ZSWIM5: variants seen among roughly 807,000 people sequenced by gnomAD.
ZSWIM5 encodes zinc finger SWIM domain-containing protein 5.
ZSWIM5 carries 55 observed loss-of-function variants against 119.6 expected under a neutral mutation model. The ratio of observed to expected loss-of-function variants is 0.46; its 90% CI spans 0.37 to 0.58. The LOEUF (loss-of-function observed/expected upper bound fraction) is 0.58. Among genes scored for constraint, ZSWIM5 ranks in the 20% least tolerant of loss-of-function variants. The pLI is 0.00. For synonymous variants in ZSWIM5, 537 were observed against 606.9 expected, an observed-to-expected ratio of 0.88 and a Z score of 1.69; for missense variants, 1,193 against 1,512.8, an observed-to-expected ratio of 0.79 and a Z score of 3.51.
At chr1:45,202,654 G>A (rs1312623008) in intron 1 of ZSWIM5, among the ~76,000 whole-genome samples, 1 of 152,022 alleles carries the variant, frequency 6.6e-6, no homozygotes, top group Non-Finnish European at 1.5e-5. Context: ...GAAGGCCCCT[G>A]CATGCCTTTA....
At chr1:45,061,571 A>C (rs1012709923) in intron 2 of ZSWIM5, among the ~76,000 whole-genome samples, 3 of 151,208 alleles carry the variant, frequency 2.0e-5, no homozygotes, top group Admixed American at 6.6e-5. Flanking sequence ...GGGCATCGCC[A>C]TGTTGGCCAG....
chr1:45,188,831 A>G (rs1475055830), intron 1 of ZSWIM5, among the ~76,000 whole-genome samples: 1 of 152,258 alleles, frequency 6.6e-6, no homozygotes, highest in African/African-American at 2.4e-5. Context: ...ACACAGATAT[A>G]TAACTGAGGA....
At chr1:45,205,152 G>T (rs1177490581) in intron 1 of ZSWIM5, among the ~76,000 whole-genome samples, 10 of 151,400 alleles carry the variant, frequency 6.6e-5, no homozygotes, top group Non-Finnish European at 1.2e-4. Flanking sequence ...TTGGGTGGGG[G>T]TGTGGAGGAG....
chr1:45,099,261 C>A lies in ZSWIM5; in HGVS notation c.596-11024G>T, dbSNP rs150673405. On this transcript the variant is annotated intron_variant, in intron 1 of 13. Coordinates refer to ENST00000359600, the MANE Select transcript of ZSWIM5 (RefSeq NM_020883.2). Reference sequence around the variant, plus strand: ...AAATACAAACTACCATCAGAGAATACTATAAACACCTCTACAAAAATAAAC... The same window carrying A: ...AAATACAAACTACCATCAGAGAATAATATAAACACCTCTACAAAAATAAAC... 6.2e-3 allele frequency among the ~76,000 whole-genome samples: 943 copies of A among 152,240 alleles called. 10 individuals carry two copies. Among genetic ancestry groups the A allele is most frequent in the African/African-American group, 0.022 (916 of 41,532 alleles).
intron 1 of ZSWIM5, among the ~76,000 whole-genome samples, chr1:45,192,350 A>G (rs1646097796): frequency 6.6e-6 from 1 of 152,088 alleles, no homozygotes; most frequent in African/African-American, 2.4e-5. Flanking sequence ...TGCCTACCTA[A>G]ATACTGCATG....
intron 11 of ZSWIM5, among the ~76,000 whole-genome samples, chr1:45,032,945 A>G (rs1186902748): frequency 4.6e-5 from 7 of 151,522 alleles, no homozygotes; most frequent in Non-Finnish European, 8.8e-5. Flanking sequence ...ATTTTCTATT[A>G]TTGGTTTTAA....
chr1:45,061,904 A>G (rs1359959480), intron 2 of ZSWIM5, among the ~76,000 whole-genome samples: 2 of 151,920 alleles, frequency 1.3e-5, no homozygotes, highest in Non-Finnish European at 2.9e-5. Context: ...TAGCCTGACC[A>G]ACATGGCGAA....
intron 11 of ZSWIM5, among the ~76,000 whole-genome samples, chr1:45,023,692 C>A (rs968242398): frequency 2.0e-5 from 3 of 152,086 alleles, no homozygotes; most frequent in African/African-American, 7.2e-5. Flanking sequence ...TTTGTGTCGA[C>A]ATGTTTTCAA....
At chr1:45,109,739 C>T (rs566412887) in intron 1 of ZSWIM5, among the ~76,000 whole-genome samples, 4 of 55,164 alleles carry the variant, frequency 7.3e-5, no homozygotes, top group East Asian at 9.5e-4. Context: ...AGCTAGACTT[C>T]GTATGAAAAA....
chr1:45,119,888 T>C (rs979046788), intron 1 of ZSWIM5, among the ~76,000 whole-genome samples: 2 of 152,234 alleles, frequency 1.3e-5, no homozygotes, highest in Non-Finnish European at 2.9e-5. Flanking sequence ...CCCATTGTTC[T>C]ACCGACAAAA....
rs963410543 is a variant in ZSWIM5 at position 45,072,158 on chromosome 1, G to T, written c.953-11911C>A. On this transcript the variant is annotated intron_variant, in intron 2 of 13. Coordinates refer to ENST00000359600, the MANE Select transcript of ZSWIM5 (RefSeq NM_020883.2). The surrounding 1 kb of genome is among the most constrained non-coding windows in gnomAD (Gnocchi z 4.1). ...TGATATGTCATTGTGGTTTTGATTT[G>T]CATTTCTCTGATGACAAATGATATT... Among the ~76,000 whole-genome samples the T allele has an allele frequency of 2.0e-5, 3 of 151,862 alleles. No individual in the cohort carries two copies. Among genetic ancestry groups the T allele is most frequent in the Admixed American group, 6.5e-5 (1 of 15,268 alleles).
chr1:45,146,659 C>T lies in ZSWIM5; in HGVS notation c.596-58422G>A, dbSNP rs536984604. The stretch of plus-strand genomic sequence containing the variant: ...TTCACCATGTTGGCCAGGCTGGTCT[C>T]GAACTCCTGGCCTCAAGTGATCCAC... On this transcript the variant is annotated intron_variant, in intron 1 of 13. Transcript: ENST00000359600. Among the ~76,000 whole-genome samples the T allele has an allele frequency of 2.0e-5, 3 of 151,130 alleles. No individual in the cohort carries two copies. The East Asian group carries it at 5.8e-4, about 29-fold the overall frequency.
intron 1 of ZSWIM5, among the ~76,000 whole-genome samples, chr1:45,198,114 G>A (rs1322972522): frequency 6.6e-6 from 1 of 152,204 alleles, no homozygotes. Flanking sequence ...CAATATCATA[G>A]ACATCTCAAT....
At chr1:45,021,185 G>A (rs1359481653) in intron 11 of ZSWIM5, among the ~76,000 whole-genome samples, 3 of 152,040 alleles carry the variant, frequency 2.0e-5, no homozygotes, top group Admixed American at 6.6e-5. Flanking sequence ...ACGGGCGCCC[G>A]CCACCACGCC....
intron 10 of ZSWIM5, 48 bp downstream of exon 10, chr1:45,035,640 A>C: frequency 6.2e-7 from 1 of 1,600,026 alleles, no homozygotes; most frequent in Non-Finnish European, 8.5e-7. Context: ...AGAGCACTGG[A>C]CACTTCTGCT....
In ZSWIM5 at chr1:45,123,502, G is replaced by A. The variant is rs1645604973; in HGVS notation, c.596-35265C>T. ...TGTATGGACTCAGCAGCAGATGGAC[G>A]AAACAGAGAAATCGGTAAACTTGAA... is the stretch of plus-strand genomic sequence containing the variant. On this transcript the variant is annotated intron_variant, in intron 1 of 13. Transcript: ENST00000359600. Among the ~76,000 whole-genome samples, 3 of 152,090 alleles carry A rather than the reference G, an allele frequency of 2.0e-5. No homozygotes were observed. In the South Asian group the frequency reaches 6.2e-4, roughly 32 times the overall value.
intron 11 of ZSWIM5, 48 bp downstream of exon 11, chr1:45,034,264 G>A: frequency 6.6e-7 from 1 of 1,525,130 alleles, no homozygotes; most frequent in East Asian, 2.3e-5. Flanking sequence ...TGCCATGGTT[G>A]GGCAGGCAGA....
rs1215454122 is a variant in ZSWIM5 at position 45,020,096 on chromosome 1, G to A, written c.2665C>T (p.Arg889Ter). 1.9e-6 allele frequency: 3 copies of A among 1,614,078 alleles called. No homozygotes were observed. Among genetic ancestry groups the A allele is most frequent in the South Asian group, 2.2e-5 (2 of 91,082 alleles). ...TLNWRRREMV[R>*]WLVTCATEVG... is the part of the protein sequence containing the mutation. ...TCTGTAGCACAGGTCACCAACCATC[G>A]TACCATCTCCCTGCGTCTCCAGTTA... Residue 889 changes from arginine to a stop codon, truncating the protein, a stop_gained, in exon 13 of 14, where the codon CGA becomes TGA. Transcript: ENST00000359600. LOFTEE classifies it high-confidence loss of function.
At chr1:45,154,868 G>A (rs543294986) in intron 1 of ZSWIM5, among the ~76,000 whole-genome samples, 1 of 152,130 alleles carries the variant, frequency 6.6e-6, no homozygotes, top group South Asian at 2.1e-4. Context: ...AGTGACAAGA[G>A]TGAAACTCCA....
Sources: gnomAD v4.1 joint callset for allele counts (sites outside exome capture counted in the v4.1 genomes callset) on GRCh38, gnomAD v4.1.1 for gene constraint, Gnocchi (gnomAD v3.1) non-coding constraint, MANE v1.5 for transcripts, NCBI Gene and HGNC (gene_info 2026-07-23, HGNC 2026-07-21) for gene names.